Variants in PCSK6 observed in about 807,000 individuals in gnomAD.
PCSK6 encodes the protein proprotein convertase subtilisin/kexin type 6.
A neutral mutation model predicts 123.3 loss-of-function variants in PCSK6; 85 were observed. That is an observed-to-expected ratio of 0.69 (90% CI 0.58 to 0.83). PCSK6 has a LOEUF of 0.83. Among genes scored for constraint, PCSK6 ranks in the 40% least tolerant of loss-of-function variants. The pLI, the probability that PCSK6 is intolerant of heterozygous loss-of-function variation, is 0.00. For missense variants in PCSK6, 1,191 were observed against 1,282.3 expected, an observed-to-expected ratio of 0.93 and a Z score of 1.09; for synonymous variants, 508 against 516.0, an observed-to-expected ratio of 0.98 and a Z score of 0.21.
At position 101,322,508 on chromosome 15, in the gene PCSK6, A is replaced by G; in HGVS notation, c.2465+12T>C. ...CCGCCCTGACATTCCTCAGGTTTCG[A>G]GGGGGTTTTACCTGAATCCTTCTTT... On this transcript the variant is annotated intron_variant, in intron 18 of 21. Coordinates refer to ENST00000611716, the MANE Select transcript of PCSK6 (RefSeq NM_002570.5). 6.3e-7 allele frequency: 1 copy of G among 1,591,738 alleles called. No individual in the cohort carries two copies. The highest frequency in any genetic ancestry group is 8.6e-7 in the Non-Finnish European group (1 of 1,160,270).
At chr15:101,358,034 T>G (rs1178195892) in intron 13 of PCSK6, among the ~76,000 whole-genome samples, 1 of 152,098 alleles carries the variant, frequency 6.6e-6, no homozygotes, top group Non-Finnish European at 1.5e-5. Flanking sequence ...TTAGGGCAGG[T>G]CATCGCTGAG....
At chr15:101,321,190 C>G (rs985098139) in intron 18 of PCSK6, among the ~76,000 whole-genome samples, 2 of 152,146 alleles carry the variant, frequency 1.3e-5, no homozygotes, top group African/African-American at 2.4e-5. Flanking sequence ...CAGCGGAATG[C>G]CTCCTTCCTC....
intron 15 of PCSK6, among the ~76,000 whole-genome samples, chr15:101,327,360 G>C (rs915588955): frequency 6.6e-6 from 1 of 152,184 alleles, no homozygotes; most frequent in Non-Finnish European, 1.5e-5. Context: ...CCCGTCAGGC[G>C]GGGGCGGGGC....
intron 9 of PCSK6, 82 bp downstream of exon 9, chr15:101,389,382 G>A: frequency 2.8e-6 from 3 of 1,064,272 alleles, no homozygotes; most frequent in Admixed American, 1.7e-5. Flanking sequence ...CACTTCAATA[G>A]GGTGAAAATG....
intron 11 of PCSK6, among the ~76,000 whole-genome samples, chr15:101,380,719 T>C (rs2041890528): frequency 6.6e-6 from 1 of 152,218 alleles, no homozygotes; most frequent in African/African-American, 2.4e-5. Flanking sequence ...TCCTACCATA[T>C]GCGAGCCCTC....
At chr15:101,435,080 C>G (rs1324812147) in intron 2 of PCSK6, among the ~76,000 whole-genome samples, 4 of 152,250 alleles carry the variant, frequency 2.6e-5, no homozygotes, top group Admixed American at 2.6e-4. Context: ...ACCAAAGTGC[C>G]TCCCCCTCCC....
intron 1 of PCSK6, among the ~76,000 whole-genome samples, chr15:101,476,558 A>G (rs1328802153): frequency 7.6e-6 from 1 of 132,190 alleles, no homozygotes; most frequent in Non-Finnish European, 1.6e-5. Context: ...GATTCCATTT[A>G]TATTAAAAAA....
At chr15:101,378,367 A>G (rs748111393) in intron 11 of PCSK6, among the ~76,000 whole-genome samples, 1 of 152,202 alleles carries the variant, frequency 6.6e-6, no homozygotes, top group Non-Finnish European at 1.5e-5. Flanking sequence ...CACAGCTGGC[A>G]CTTTCATCCA....
intron 1 of PCSK6, among the ~76,000 whole-genome samples, chr15:101,457,443 C>T (rs945487441): frequency 9.2e-5 from 14 of 152,216 alleles, no homozygotes; most frequent in African/African-American, 3.1e-4. Flanking sequence ...ACACAGAGAG[C>T]AGCCCCAGCC....
At chr15:101,391,280 T>C (rs1427710553) in intron 8 of PCSK6, among the ~76,000 whole-genome samples, 3 of 152,222 alleles carry the variant, frequency 2.0e-5, no homozygotes, top group Admixed American at 2.0e-4. Flanking sequence ...GCCAGGCACC[T>C]GAATGTACTT....
intron 6 of PCSK6, among the ~76,000 whole-genome samples, chr15:101,412,492 G>A (rs926643729): frequency 6.0e-5 from 9 of 151,152 alleles, no homozygotes; most frequent in Non-Finnish European, 1.3e-4. Flanking sequence ...AAACACCTAG[G>A]TGAGCAATTA....
chr15:101,369,194 G>A (rs1184051765), intron 12 of PCSK6, among the ~76,000 whole-genome samples: 1 of 152,250 alleles, frequency 6.6e-6, no homozygotes, highest in Non-Finnish European at 1.5e-5. Flanking sequence ...GGGCAGTGCT[G>A]TGGGGGGCAC....
chr15:101,365,190 A>C (rs28880578), intron 13 of PCSK6: 5,624 of 466,436 alleles, frequency 0.012, 259 homozygotes, highest in African/African-American at 0.097. Flanking sequence ...AACACTCTTA[A>C]AAGGAAACAC....
chr15:101,399,923 C>T (rs546692994), intron 6 of PCSK6, among the ~76,000 whole-genome samples: 6 of 152,148 alleles, frequency 3.9e-5, no homozygotes, highest in South Asian at 2.1e-4. Context: ...CTATTTAAGA[C>T]GTAATGGAAA....
chr15:101,432,672 A>AGGAAGGGAGGGAGAGAGGGAG, intron 2 of PCSK6, among the ~76,000 whole-genome samples: 1 of 152,178 alleles, frequency 6.6e-6, no homozygotes, highest in South Asian at 2.1e-4. Flanking sequence ...AAAGACAAGA[A>AGGAAGGGAGGGAGAGAGGGAG]GGAAGGGAGG....
chr15:101,463,590 A>G (rs1186802071), intron 1 of PCSK6, among the ~76,000 whole-genome samples: 2 of 152,118 alleles, frequency 1.3e-5, no homozygotes, highest in East Asian at 3.9e-4. Context: ...CTTCAAATAA[A>G]TCCTCACGAA....
At position 101,305,373 on chromosome 15, in the gene PCSK6, G is replaced by A; in HGVS notation, c.2813-18C>T. ...CTCGTCAGCTGGGGCCCCGCATCAG[G>A]AAAGGCAAAAGAGGGAAAGGTCAGT... On this transcript the variant is annotated intron_variant, in intron 21 of 21. Coordinates refer to ENST00000611716, the MANE Select transcript of PCSK6 (RefSeq NM_002570.5). The surrounding 1 kb of genome is among the most constrained non-coding windows in gnomAD (Gnocchi z 4.8). 1.2e-6 allele frequency: 2 copies of A among 1,605,474 alleles called. No homozygotes were observed. Among genetic ancestry groups the A allele is most frequent in the Non-Finnish European group, 1.7e-6 (2 of 1,176,292 alleles).
rs1275970514 is a variant in PCSK6, at chr15:101,370,599, C to T, written c.1533-76G>A. ...ACCCACACAGCCAGGAGCTCCAGCG[C>T]CCGTCCACTCTATCCCCACTGCAGC... On this transcript the variant is annotated intron_variant, in intron 11 of 21. Coordinates refer to ENST00000611716, the MANE Select transcript of PCSK6 (RefSeq NM_002570.5). 6.1e-6 allele frequency: 8 copies of T among 1,310,492 alleles called. No homozygotes were observed. In the African/African-American group the frequency reaches 1.1e-4, roughly 17 times the overall value. The allele number at this position is 1,310,492 out of a possible 1,614,324, so 81.2% of individuals were successfully genotyped here. A position where few individuals can be genotyped will look rare whatever the true frequency, so the allele number is the denominator to read the frequency against.
chr15:101,445,680 T>G (rs1297444445), intron 1 of PCSK6, among the ~76,000 whole-genome samples: 1 of 152,206 alleles, frequency 6.6e-6, no homozygotes, highest in African/African-American at 2.4e-5. Flanking sequence ...AATCAACATG[T>G]TTGCTCATAA....
Sources: gnomAD v4.1 joint callset for allele counts (sites outside exome capture counted in the v4.1 genomes callset) on GRCh38, gnomAD v4.1.1 for gene constraint, Gnocchi (gnomAD v3.1) non-coding constraint, MANE v1.5 for transcripts, NCBI Gene and HGNC (gene_info 2026-07-23, HGNC 2026-07-21) for gene names.